Variants in IQSEC1 observed in about 807,000 individuals in gnomAD.
IQSEC1 encodes the protein IQ motif and Sec7 domain ArfGEF 1, also known as IQ motif and SEC7 domain-containing protein 1.
Under a neutral mutation model 91.0 loss-of-function variants are expected in IQSEC1, and 31 were observed. The observed-to-expected ratio is 0.34, with a 90% CI of 0.26 to 0.46. The LOEUF (loss-of-function observed/expected upper bound fraction) is 0.46, where lower values mean the gene tolerates loss of function less well. Ranked by LOEUF, IQSEC1 falls within the 20% of genes least tolerant of loss-of-function variation. The pLI, the probability that IQSEC1 is intolerant of heterozygous loss-of-function variation, is 1.00. For synonymous variants in IQSEC1, 699 were observed against 662.6 expected, an observed-to-expected ratio of 1.05 and a Z score of -0.84; for missense variants, 1,388 against 1,575.6, an observed-to-expected ratio of 0.88 and a Z score of 2.02.
At chr3:13,029,925 T>C (rs1703779969) in intron 1 of IQSEC1, among the ~76,000 whole-genome samples, 1 of 152,202 alleles carries the variant, frequency 6.6e-6, no homozygotes, top group South Asian at 2.1e-4. Context: ...TCCATGGCTT[T>C]CCTCCATTCC....
At position 13,138,176 on chromosome 3, in the gene IQSEC1, T is replaced by A. The variant is rs6777448; in HGVS notation, c.302+25928A>T. Among the ~76,000 whole-genome samples the A allele has an allele frequency of 8.6e-3, 1,303 of 152,318 alleles. 10 individuals are homozygous for A. The highest frequency in any genetic ancestry group is 0.014 in the Non-Finnish European group (985 of 68,026). On this transcript the variant is annotated intron_variant, in intron 2 of 15. Coordinates refer to the IQSEC1 transcript ENST00000648114. ...CTTGTCTTCCTCACGCCCCGGCTGATGGGCACAGCACTCTCTCTCACAAGT... is the reference window on the plus strand; with the variant it reads ...CTTGTCTTCCTCACGCCCCGGCTGAAGGGCACAGCACTCTCTCTCACAAGT...
At chr3:13,275,718 T>G (rs766157313) in intron 1 of IQSEC1, among the ~76,000 whole-genome samples, 1 of 152,218 alleles carries the variant, frequency 6.6e-6, no homozygotes, top group Non-Finnish European at 1.5e-5. Flanking sequence ...TCTGTAATCT[T>G]CCAGGTACAG....
chr3:13,143,759 A>G (rs1201878382), intron 2 of IQSEC1, among the ~76,000 whole-genome samples: 1 of 152,204 alleles, frequency 6.6e-6, no homozygotes, highest in Admixed American at 6.5e-5. Context: ...CCACCTGAGC[A>G]TGACACTCAC....
At chr3:12,920,947 G>A (rs1398852475) in intron 5 of IQSEC1, among the ~76,000 whole-genome samples, 4 of 152,204 alleles carry the variant, frequency 2.6e-5, no homozygotes, top group African/African-American at 9.6e-5. Context: ...CTGCAATGGG[G>A]ACATCACAGT....
intron 3 of IQSEC1, among the ~76,000 whole-genome samples, chr3:12,929,709 T>C (rs68074206): frequency 0.13 from 19,380 of 152,160 alleles, 1,335 homozygotes; most frequent in South Asian, 0.21. Context: ...CTTTAGCTCT[T>C]CTTGATTCCA....
Position 12,897,754 on chromosome 3 carries a change from T to A in IQSEC1, c.*3229A>T, listed in dbSNP as rs1422910390. ...CGTGGCGCTGAGTCAACACCCAGCA[T>A]CAGCTGTGAACATCTGCTGTCTTTT... is the stretch of plus-strand genomic sequence containing the variant. On this transcript the variant is annotated 3_prime_UTR_variant, in exon 14 of 14. Transcript: ENST00000613206. 6.6e-6 allele frequency: 1 copy of A among 152,334 alleles called. No homozygotes were observed. Among genetic ancestry groups the A allele is most frequent in the East Asian group, 1.9e-4 (1 of 5,188 alleles). The allele number at this position is 152,334 out of a possible 1,614,324, so 9.4% of individuals were successfully genotyped here. A position where few individuals can be genotyped will look rare whatever the true frequency, so the allele number is the denominator to read the frequency against.
chr3:13,235,043 G>A (rs1694903727), intron 1 of IQSEC1, among the ~76,000 whole-genome samples: 1 of 152,322 alleles, frequency 6.6e-6, no homozygotes, highest in Non-Finnish European at 1.5e-5. Context: ...CGGGCTCTGG[G>A]GGTCTAGCGA....
intron 1 of IQSEC1, among the ~76,000 whole-genome samples, chr3:12,990,617 T>C (rs931386767): frequency 6.6e-5 from 10 of 152,148 alleles, no homozygotes; most frequent in African/African-American, 2.2e-4. Context: ...TTTGGGTCAG[T>C]CTGGACTCCG....
chr3:13,202,449 T>C (rs1175570501), intron 1 of IQSEC1, among the ~76,000 whole-genome samples: 1 of 152,160 alleles, frequency 6.6e-6, no homozygotes, highest in Admixed American at 6.5e-5. Flanking sequence ...GCACCCATCC[T>C]TATAGTCAGC....
intron 2 of IQSEC1, among the ~76,000 whole-genome samples, chr3:13,129,947 C>T (rs899878797): frequency 5.9e-5 from 9 of 151,804 alleles, no homozygotes; most frequent in South Asian, 2.1e-4. Flanking sequence ...CGTGAGCCAC[C>T]GCGCCTGGCC....
chr3:13,141,294 T>C (rs1706795800), intron 2 of IQSEC1, among the ~76,000 whole-genome samples: 1 of 152,116 alleles, frequency 6.6e-6, no homozygotes, highest in Non-Finnish European at 1.5e-5. Context: ...CATGGATGGA[T>C]TTAAAGACAA....
chr3:13,244,975 C>T (rs1390418211), intron 1 of IQSEC1, among the ~76,000 whole-genome samples: 1 of 152,172 alleles, frequency 6.6e-6, no homozygotes, highest in Admixed American at 6.5e-5. Flanking sequence ...ATGGAGCCCA[C>T]AGTCTCGAGA....
chr3:13,089,986 C>A (rs188489604), intron 2 of IQSEC1, among the ~76,000 whole-genome samples: 1 of 152,146 alleles, frequency 6.6e-6, no homozygotes, highest in African/African-American at 2.4e-5. Context: ...GAGGCCAAGG[C>A]GGGTGGATCA....
chr3:13,173,095 G>C (rs994517104), intron 1 of IQSEC1, among the ~76,000 whole-genome samples: 1 of 152,224 alleles, frequency 6.6e-6, no homozygotes, highest in Non-Finnish European at 1.5e-5. Context: ...TCTCCCCTGG[G>C]AAAAGTCTGG....
chr3:13,021,288 T>G (rs933837797), intron 1 of IQSEC1, among the ~76,000 whole-genome samples: 2 of 152,086 alleles, frequency 1.3e-5, no homozygotes, highest in African/African-American at 4.8e-5. Context: ...TGGTGTCCCC[T>G]CCCCAGGGGG....
At chr3:13,101,151 A>C (rs1706055428) in intron 2 of IQSEC1, among the ~76,000 whole-genome samples, 1 of 152,198 alleles carries the variant, frequency 6.6e-6, no homozygotes. Context: ...GAGGGCTTCA[A>C]GCCTGACAGT....
chr3:12,907,467 G>A (rs1398316617), intron 12 of IQSEC1, among the ~76,000 whole-genome samples: 4 of 152,220 alleles, frequency 2.6e-5, no homozygotes, highest in African/African-American at 7.2e-5. Flanking sequence ...GGCAGTCCCC[G>A]GGGCCCCTCC....
chr3:13,154,438 C>CAAATATATATATAT (rs1277879413), intron 2 of IQSEC1, among the ~76,000 whole-genome samples: 1 of 20,746 alleles, frequency 4.8e-5, no homozygotes, highest in Non-Finnish European at 8.1e-5. Flanking sequence ...AACTTACATG[C>CAAATATATATATAT]ATATATATAT....
intron 2 of IQSEC1, among the ~76,000 whole-genome samples, chr3:13,141,301 A>T (rs1706795893): frequency 6.6e-6 from 1 of 152,208 alleles, no homozygotes; most frequent in Non-Finnish European, 1.5e-5. Context: ...GGATTTAAAG[A>T]CAAGAGGCAG....
Sources: gnomAD v4.1 joint callset for allele counts (sites outside exome capture counted in the v4.1 genomes callset) on GRCh38, gnomAD v4.1.1 for gene constraint, MANE v1.5 for transcripts, NCBI Gene and HGNC (gene_info 2026-07-23, HGNC 2026-07-21) for gene names.